IQCM: variants seen among roughly 807,000 people sequenced by gnomAD.
IQCM encodes IQ motif containing M.
In IQCM, 45 loss-of-function variants were observed where a neutral mutation model predicts 57.6. The observed-to-expected ratio is 0.78, with a 90% confidence interval of 0.62 to 1.00. The LOEUF (loss-of-function observed/expected upper bound fraction) is 1.00. Ranked by LOEUF, IQCM falls within the 50% of genes least tolerant of loss-of-function variation. The pLI, the probability that IQCM is intolerant of heterozygous loss-of-function variation, is 0.00. For synonymous variants in IQCM, 148 were observed against 158.9 expected, an observed-to-expected ratio of 0.93 and a Z score of 0.51; for missense variants, 468 against 511.6, an observed-to-expected ratio of 0.91 and a Z score of 0.82.
intron 12 of IQCM, among the ~76,000 whole-genome samples, chr4:149,527,214 A>G (rs1195734692): frequency 2.0e-5 from 3 of 152,236 alleles, no homozygotes. Context: ...TCACAAGAAT[A>G]AGAAAGACTA....
At chr4:149,723,267 A>G (rs530330061) in intron 5 of IQCM, among the ~76,000 whole-genome samples, 1 of 152,086 alleles carries the variant, frequency 6.6e-6, no homozygotes, top group South Asian at 2.1e-4. Context: ...TCTAATTTGG[A>G]TGCGTCTTAT....
chr4:149,562,954 G>A (rs1248349594), intron 10 of IQCM, among the ~76,000 whole-genome samples: 1 of 152,124 alleles, frequency 6.6e-6, no homozygotes, highest in African/African-American at 2.4e-5. Flanking sequence ...TTTATTTATA[G>A]TTGATTTCCC....
At chr4:149,392,793 T>G (rs1731958729) in intron 13 of IQCM, among the ~76,000 whole-genome samples, 1 of 151,994 alleles carries the variant, frequency 6.6e-6, no homozygotes, top group African/African-American at 2.4e-5. Flanking sequence ...CACTGAGGAC[T>G]TACTCTCAAG....
intron 2 of IQCM, among the ~76,000 whole-genome samples, chr4:149,770,492 C>T (rs1029893830): frequency 6.7e-6 from 1 of 150,086 alleles, no homozygotes; most frequent in Non-Finnish European, 1.5e-5. Flanking sequence ...AAAAATAAAA[C>T]AAAACCTATG....
chr4:149,664,068 T>A (rs1760469332), intron 7 of IQCM, among the ~76,000 whole-genome samples: 1 of 152,116 alleles, frequency 6.6e-6, no homozygotes, highest in Non-Finnish European at 1.5e-5. Context: ...TTCTGCTTGA[T>A]TAGTCTGTTG....
intron 12 of IQCM, among the ~76,000 whole-genome samples, chr4:149,537,186 A>G (rs981976699): frequency 5.9e-5 from 9 of 151,956 alleles, no homozygotes; most frequent in Non-Finnish European, 1.2e-4. Flanking sequence ...TATTATAAAC[A>G]TGTTCAAATA....
rs115383288 is a variant in IQCM at position 149,731,950 on chromosome 4, A to G, written c.385+1294T>C. On this transcript the variant is annotated intron_variant, in intron 5 of 13. Transcript: ENST00000636793. ...CATTCTGAAGAGCATGCTTTGAGAA[A>G]TGCTGATGGAACAGCCCTCCTCCAC... 6.4e-3 allele frequency among the ~76,000 whole-genome samples: 969 copies of G among 152,260 alleles called. 8 individuals carry two copies. The highest frequency in any genetic ancestry group is 0.021 in the African/African-American group (858 of 41,568).
At chr4:149,591,768 T>C (rs889738320) in intron 8 of IQCM, among the ~76,000 whole-genome samples, 1 of 152,050 alleles carries the variant, frequency 6.6e-6, no homozygotes, top group African/African-American at 2.4e-5. Flanking sequence ...CATGTCCCTA[T>C]AAAGGACATG....
intron 13 of IQCM, among the ~76,000 whole-genome samples, chr4:149,411,706 A>G (rs1733391753): frequency 6.6e-6 from 1 of 152,184 alleles, no homozygotes; most frequent in African/African-American, 2.4e-5. Context: ...ACTAGGAAGA[A>G]TAATAAAAAT....
intron 7 of IQCM, among the ~76,000 whole-genome samples, chr4:149,645,627 G>A (rs1025002500): frequency 6.6e-6 from 1 of 152,042 alleles, no homozygotes; most frequent in Admixed American, 6.6e-5. Context: ...TTTCTCTATC[G>A]TGTATTGAAA....
At chr4:149,360,456 C>A (rs1308681956) in intron 13 of IQCM, among the ~76,000 whole-genome samples, 2 of 152,058 alleles carry the variant, frequency 1.3e-5, no homozygotes, top group Non-Finnish European at 1.5e-5. Flanking sequence ...GGAGTCAATT[C>A]TCTGTGTATA....
rs186164281 is a variant in IQCM, at chr4:149,505,891, G to T, written c.1228+42564C>A. On this transcript the variant is annotated intron_variant, in intron 12 of 13. Coordinates refer to ENST00000636793, the MANE Select transcript of IQCM (RefSeq NM_001363507.2). The stretch of plus-strand genomic sequence containing the variant: ...GAATTGACCCTGTACTCTGACACTG[G>T]CCTGAAGCCGTAAGCAGAAGATGAT... 1.2e-3 allele frequency among the ~76,000 whole-genome samples: 175 copies of T among 152,134 alleles called. 1 individual carries two copies. The highest frequency in any genetic ancestry group is 4.1e-3 in the African/African-American group (172 of 41,492).
intron 13 of IQCM, among the ~76,000 whole-genome samples, chr4:149,357,045 TTGTC>T (rs1363329469): frequency 6.6e-6 from 1 of 152,192 alleles, no homozygotes; most frequent in Non-Finnish European, 1.5e-5. Context: ...GGCTCTCTGT[TTGTC>T]TGTTATTGGT....
intron 7 of IQCM, among the ~76,000 whole-genome samples, chr4:149,633,143 G>A (rs1757429425): frequency 7.0e-6 from 1 of 142,868 alleles, no homozygotes; most frequent in African/African-American, 2.6e-5. Context: ...AGTCCAGCCT[G>A]GGCGACAGAG....
Position 149,548,479 on chromosome 4 carries a change from C to T in IQCM, c.1204G>A (p.Asp402Asn), listed in dbSNP as rs879750008. The T allele has an allele frequency of 3.2e-6, 4 of 1,231,910 alleles. No homozygotes were observed. Among genetic ancestry groups the T allele is most frequent in the Non-Finnish European group, 4.0e-6 (4 of 987,866 alleles). The allele number at this position is 1,231,910 out of a possible 1,614,324, so 76.3% of individuals were successfully genotyped here. A position where few individuals can be genotyped will look rare whatever the true frequency, so the allele number is the denominator to read the frequency against. ...CCTTGATGGACCAGGTCCCAAGTAT[C>T]ATCAACTTGTTTCTGAGTTGGGAAA... Reference protein sequence around the residue: ...GHFPTQKQVDDTWDLVHQDGK... With the variant: ...GHFPTQKQVDNTWDLVHQDGK... Residue 402 changes from aspartate (D) to asparagine (N), a missense_variant, in exon 12 of 14, where the codon GAT becomes AAT. Physicochemically the swap from Asp to Asn is conservative, Grantham distance 23 (BLOSUM62 1). Coordinates refer to ENST00000636793, the MANE Select transcript of IQCM (RefSeq NM_001363507.2).
intron 2 of IQCM, among the ~76,000 whole-genome samples, chr4:149,761,035 G>C (rs1321797421): frequency 1.3e-5 from 2 of 151,950 alleles, no homozygotes; most frequent in African/African-American, 4.8e-5. Context: ...AACTTTCCTG[G>C]TATTTCTAAA....
chr4:149,606,086 A>G (rs1447080409), intron 8 of IQCM, among the ~76,000 whole-genome samples: 1 of 152,152 alleles, frequency 6.6e-6, no homozygotes, highest in Non-Finnish European at 1.5e-5. Flanking sequence ...GAATAAGCAA[A>G]AGAGGAAGCA....
At chr4:149,427,964 C>G (rs1734573745) in intron 13 of IQCM, among the ~76,000 whole-genome samples, 1 of 151,824 alleles carries the variant, frequency 6.6e-6, no homozygotes, top group East Asian at 1.9e-4. Flanking sequence ...AGCAGATACT[C>G]TATAGGCAAA....
intron 7 of IQCM, among the ~76,000 whole-genome samples, chr4:149,650,187 G>GTACGGTAGGCCCCTAAT: frequency 6.6e-6 from 1 of 151,846 alleles, no homozygotes; most frequent in South Asian, 2.1e-4. Context: ...TCATATTGGT[G>GTACGGTAGGCCCCTAAT]CCAATACGTT....
Sources: gnomAD v4.1 joint callset for allele counts (sites outside exome capture counted in the v4.1 genomes callset) on GRCh38, gnomAD v4.1.1 for gene constraint, MANE v1.5 for transcripts, NCBI Gene and HGNC (gene_info 2026-07-23, HGNC 2026-07-21) for gene names.